MAP7: variants seen among roughly 807,000 people sequenced by gnomAD.
The protein encoded by MAP7 is microtubule associated protein 7.
Under a neutral mutation model 94.8 loss-of-function variants are expected in MAP7, and 52 were observed. That is an observed-to-expected ratio of 0.55 (90% CI 0.44 to 0.69). MAP7 has a LOEUF of 0.69. MAP7 is among the 30% of genes least tolerant of loss of function. The pLI, the probability that MAP7 is intolerant of heterozygous loss-of-function variation, is 0.00. For missense variants in MAP7, 940 were observed against 964.6 expected (o/e 0.97, Z 0.34); for synonymous variants, 350 against 357.0 (o/e 0.98, Z 0.22).
intron 1 of MAP7, among the ~76,000 whole-genome samples, chr6:136,443,846 T>G (rs939708287): frequency 6.6e-6 from 1 of 152,134 alleles, no homozygotes; most frequent in Non-Finnish European, 1.5e-5. Context: ...ACTAAAGAAA[T>G]GAGAGAATGC....
intron 1 of MAP7, among the ~76,000 whole-genome samples, chr6:136,490,718 T>C (rs1338152351): frequency 6.6e-6 from 1 of 152,212 alleles, no homozygotes; most frequent in Non-Finnish European, 1.5e-5. Context: ...TAAGTGGAAG[T>C]GGAAAAACAT....
intron 3 of MAP7, among the ~76,000 whole-genome samples, chr6:136,393,520 T>A (rs1781383598): frequency 6.6e-6 from 1 of 152,158 alleles, no homozygotes. Flanking sequence ...ATGGATGGCA[T>A]TTGGAGAAAC....
At chr6:136,411,573 A>G (rs1286436219) in intron 3 of MAP7, 47 bp downstream of exon 3, 2 of 1,485,676 alleles carry the variant, frequency 1.3e-6, no homozygotes, top group South Asian at 2.5e-5. Context: ...ACGGTATTAT[A>G]GTGACATCCA....
chr6:136,359,181 T>C (rs1437068565), intron 15 of MAP7, among the ~76,000 whole-genome samples: 1 of 152,144 alleles, frequency 6.6e-6, no homozygotes, highest in East Asian at 1.9e-4. Context: ...ATAATCTCTT[T>C]CCAAAGCCGA....
intron 1 of MAP7, among the ~76,000 whole-genome samples, chr6:136,460,743 G>A (rs569998518): frequency 2.0e-5 from 3 of 152,052 alleles, no homozygotes; most frequent in African/African-American, 7.2e-5. Context: ...TGAGGTAGCT[G>A]TAGAGTTGCT....
chr6:136,496,631 C>T (rs1008883304), intron 1 of MAP7, among the ~76,000 whole-genome samples: 2 of 151,752 alleles, frequency 1.3e-5, no homozygotes, highest in Admixed American at 6.6e-5. Flanking sequence ...GTTAACTTGG[C>T]TCCTAGGCTG....
At chr6:136,398,142 C>A (rs1783037535) in intron 3 of MAP7, among the ~76,000 whole-genome samples, 1 of 152,086 alleles carries the variant, frequency 6.6e-6, no homozygotes, top group Non-Finnish European at 1.5e-5. Flanking sequence ...TGATGCTGTA[C>A]AAAAAGGAAT....
intron 3 of MAP7, among the ~76,000 whole-genome samples, chr6:136,393,539 C>T (rs1781390651): frequency 6.6e-6 from 1 of 152,164 alleles, no homozygotes; most frequent in African/African-American, 2.4e-5. Flanking sequence ...ACGCTGTACT[C>T]TAAGGTCTTC....
intron 3 of MAP7, among the ~76,000 whole-genome samples, chr6:136,397,401 G>T (rs1390460094): frequency 6.6e-6 from 1 of 152,042 alleles, no homozygotes; most frequent in Non-Finnish European, 1.5e-5. Context: ...ATTCCCTATG[G>T]ATAATGTTGA....
chr6:136,513,515 C>A (rs1823863443), intron 1 of MAP7, among the ~76,000 whole-genome samples: 3 of 152,208 alleles, frequency 2.0e-5, no homozygotes, highest in Admixed American at 6.5e-5. Context: ...TTGCCATTTC[C>A]ACCACATCTG....
intron 7 of MAP7, among the ~76,000 whole-genome samples, chr6:136,374,304 T>A (rs547653126): frequency 4.8e-4 from 73 of 152,330 alleles, no homozygotes; most frequent in African/African-American, 1.6e-3. Flanking sequence ...AAAATAATCT[T>A]TTCTCAAGCG....
chr6:136,366,023 G>A lies in MAP7; in HGVS notation c.990-5C>T. The A allele has an allele frequency of 6.2e-7, 1 of 1,604,464 alleles. No homozygotes were observed. Among genetic ancestry groups the A allele is most frequent in the Non-Finnish European group, 8.5e-7 (1 of 1,177,546 alleles). On this transcript the variant is annotated splice_region_variant and splice_polypyrimidine_tract_variant and intron_variant, in intron 9 of 17. Transcript: ENST00000354570. ...GGAAGAGACTTGGACGGAAGCCTGG[G>A]CCACAAACAAACAAGGCAGACAAAA...
chr6:136,401,954 C>T (rs190515884), intron 3 of MAP7, among the ~76,000 whole-genome samples: 20 of 152,242 alleles, frequency 1.3e-4, no homozygotes, highest in Admixed American at 7.2e-4. Context: ...ACACATTAGT[C>T]GTCTCAGAGA....
intron 3 of MAP7, among the ~76,000 whole-genome samples, chr6:136,399,431 A>G (rs1200521329): frequency 6.6e-6 from 1 of 151,182 alleles, no homozygotes; most frequent in Non-Finnish European, 1.5e-5. Flanking sequence ...TGCATCCTCG[A>G]CCTCCCAGTC....
chr6:136,391,477 A>T (rs1780697564), intron 3 of MAP7, among the ~76,000 whole-genome samples: 1 of 150,238 alleles, frequency 6.7e-6, no homozygotes, highest in Non-Finnish European at 1.5e-5. Flanking sequence ...GGTGCAGCGC[A>T]CCAGCATGGC....
chr6:136,358,017 C>T (rs541603829), intron 15 of MAP7, among the ~76,000 whole-genome samples: 1 of 152,290 alleles, frequency 6.6e-6, no homozygotes, highest in East Asian at 1.9e-4. Context: ...GCACTGGTAA[C>T]ACCAGTCAGC....
At chr6:136,545,780 T>A (rs1025024823) in intron 1 of MAP7, among the ~76,000 whole-genome samples, 1 of 152,156 alleles carries the variant, frequency 6.6e-6, no homozygotes, top group Non-Finnish European at 1.5e-5. Context: ...TTTATTTTTG[T>A]GGGTAAATAG....
At chr6:136,440,093 G>C (rs1562402029) in intron 1 of MAP7, among the ~76,000 whole-genome samples, 2 of 152,154 alleles carry the variant, frequency 1.3e-5, no homozygotes, top group South Asian at 4.1e-4. Flanking sequence ...TGCTGGGTGA[G>C]TTCACCCACA....
intron 1 of MAP7, among the ~76,000 whole-genome samples, chr6:136,544,946 GA>G (rs1044944481): frequency 2.0e-5 from 3 of 152,106 alleles, no homozygotes; most frequent in Non-Finnish European, 4.4e-5. Context: ...TTGGGGTAAA[GA>G]ACAAAACAGG....
Sources: gnomAD v4.1 joint callset for allele counts (sites outside exome capture counted in the v4.1 genomes callset) on GRCh38, gnomAD v4.1.1 for gene constraint, MANE v1.5 for transcripts, NCBI Gene and HGNC (gene_info 2026-07-23, HGNC 2026-07-21) for gene names.